The following SSBP3 variants were observed in gnomAD, a reference collection of about 807,000 sequenced individuals.
The protein encoded by SSBP3 is single-stranded DNA-binding protein 3.
SSBP3 carries 5 observed loss-of-function variants against 69.6 expected under a neutral mutation model. The ratio of observed to expected loss-of-function variants is 0.07; its 90% CI spans 0.04 to 0.15. The LOEUF is 0.15. SSBP3 is among the 10% of genes least tolerant of loss of function. SSBP3 has a pLI of 1.00. For missense variants in SSBP3, 312 were observed against 534.0 expected (o/e 0.58, Z 4.10); for synonymous variants, 196 against 193.4 (o/e 1.01, Z -0.11).
At chr1:54,273,675 T>C (rs1412619858) in intron 5 of SSBP3, among the ~76,000 whole-genome samples, 2 of 152,178 alleles carry the variant, frequency 1.3e-5, no homozygotes, top group African/African-American at 4.8e-5. Context: ...TGCTTCCAAG[T>C]GGCCAGCACC....
exon 14 of SSBP3, chr1:54,239,186 G>C: frequency 6.2e-7 from 1 of 1,612,634 alleles, no homozygotes; most frequent in Non-Finnish European, 8.5e-7. Flanking sequence ...TGTTGTCACT[G>C]GAATTTGTTG....
intron 14 of SSBP3, among the ~76,000 whole-genome samples, chr1:54,231,033 G>C (rs1445812929): frequency 6.6e-6 from 1 of 152,186 alleles, no homozygotes; most frequent in Non-Finnish European, 1.5e-5. Context: ...AGATACCTAG[G>C]AGGAGAACTG....
chr1:54,327,269 GAAAACAAC>G (rs1410461479), intron 4 of SSBP3, among the ~76,000 whole-genome samples: 2 of 142,694 alleles, frequency 1.4e-5, no homozygotes, highest in Non-Finnish European at 3.1e-5. Context: ...AGGAAGGAAG[GAAAACAAC>G]AACAAGAACA....
chr1:54,383,797 C>T (rs932778973), intron 4 of SSBP3, among the ~76,000 whole-genome samples: 1 of 152,084 alleles, frequency 6.6e-6, no homozygotes, highest in African/African-American at 2.4e-5. Flanking sequence ...CACCCACTCC[C>T]CAGCCCCCTT....
intron 4 of SSBP3, among the ~76,000 whole-genome samples, chr1:54,355,802 A>G (rs1400619014): frequency 6.6e-6 from 1 of 152,180 alleles, no homozygotes; most frequent in African/African-American, 2.4e-5. Flanking sequence ...CAGGAGGGCA[A>G]ACCCCTGCGT....
At chr1:54,404,713 T>C in intron 2 of SSBP3, 76 bp from the exon 3 acceptor site, 1 of 1,540,688 alleles carries the variant, frequency 6.5e-7, no homozygotes, top group African/African-American at 1.4e-5. Flanking sequence ...GCCAAAAGGC[T>C]AGGAAGACCA....
chr1:54,295,103 C>T (rs577457572), intron 4 of SSBP3, among the ~76,000 whole-genome samples: 12 of 152,260 alleles, frequency 7.9e-5, no homozygotes, highest in East Asian at 7.7e-4. Flanking sequence ...CTCCCCTCCC[C>T]GTCCCTTCCT....
intron 9 of SSBP3, among the ~76,000 whole-genome samples, chr1:54,247,141 G>A (rs1315031125): frequency 1.3e-5 from 2 of 152,230 alleles, no homozygotes; most frequent in Non-Finnish European, 2.9e-5. Context: ...GCAGCTGTCT[G>A]GGGCTGCAGC....
intron 4 of SSBP3, among the ~76,000 whole-genome samples, chr1:54,328,817 C>T (rs1053745044): frequency 2.0e-5 from 3 of 152,208 alleles, no homozygotes; most frequent in African/African-American, 7.2e-5. Context: ...GGCCACTACC[C>T]CAACCTTGGA....
chr1:54,300,668 CAT>C (rs1645785310), intron 4 of SSBP3, among the ~76,000 whole-genome samples: 1 of 152,206 alleles, frequency 6.6e-6, no homozygotes, highest in African/African-American at 2.4e-5. Flanking sequence ...AATTGTTCCA[CAT>C]GTGTGAAATT....
chr1:54,319,548 TG>T (rs1458089588), intron 4 of SSBP3, among the ~76,000 whole-genome samples: 28 of 152,226 alleles, frequency 1.8e-4, no homozygotes, highest in African/African-American at 6.7e-4. Context: ...ACCCACTCAG[TG>T]TCACTTTCAG....
chr1:54,257,961 C>T (rs1570280639), intron 6 of SSBP3, 108 bp downstream of exon 6: 9 of 1,037,182 alleles, frequency 8.7e-6, no homozygotes, highest in East Asian at 2.9e-5. Context: ...AATAAAGACT[C>T]GCAGGCAGTG....
intron 1 of SSBP3, among the ~76,000 whole-genome samples, chr1:54,405,711 C>A (rs1045444659): frequency 6.6e-6 from 1 of 151,788 alleles, no homozygotes; most frequent in Admixed American, 6.6e-5. Context: ...CCAAGTACCC[C>A]CTCCGGCGGC....
At chr1:54,249,909 G>A (rs1197357952) in intron 9 of SSBP3, among the ~76,000 whole-genome samples, 2 of 152,146 alleles carry the variant, frequency 1.3e-5, no homozygotes, top group African/African-American at 4.8e-5. Flanking sequence ...GGGCTGGGCG[G>A]TGGCATTCGA....
rs1236869720 is a variant in SSBP3, at chr1:54,359,144, GA to G, written c.276+42716del. Among the ~76,000 whole-genome samples, 15 of 151,012 alleles carry G rather than the reference GA, an allele frequency of 9.9e-5. No individual in the cohort carries two copies. In the East Asian group the frequency reaches 2.9e-3, roughly 30 times the overall value. ...TATTTTAAACGTAAACCCACTGGTG[GA>G]GGTGGGGAGAGTTTTATGGGAAGAA... On this transcript the variant is annotated intron_variant, in intron 4 of 17. Coordinates refer to ENST00000610401, the Ensembl canonical transcript of SSBP3.
intron 4 of SSBP3, among the ~76,000 whole-genome samples, chr1:54,377,592 GA>G (rs1372170705): frequency 3.3e-5 from 5 of 152,346 alleles, no homozygotes; most frequent in African/African-American, 1.2e-4. Flanking sequence ...AGATCTGCTG[GA>G]GCATTTCCAG....
In SSBP3 at chr1:54,275,886, C is replaced by A. The variant is rs1024263482; in HGVS notation, c.366+5552G>T. 2.6e-5 allele frequency among the ~76,000 whole-genome samples: 4 copies of A among 152,306 alleles called. No homozygotes were observed. In the South Asian group the frequency reaches 8.3e-4, roughly 32 times the overall value. ...AGGCTGCCCTTCTCCCAGAGAAACCCCAGCTACTTCTGCAGGAGATGGGGA... is the reference window on the plus strand; with the variant it reads ...AGGCTGCCCTTCTCCCAGAGAAACCACAGCTACTTCTGCAGGAGATGGGGA... On this transcript the variant is annotated intron_variant, in intron 5 of 17. Transcript: ENST00000610401.
At chr1:54,407,022 C>T (rs1649830281), upstream of SSBP3, among the ~76,000 whole-genome samples, 1 of 152,198 alleles carries the variant, frequency 6.6e-6, no homozygotes, top group East Asian at 2.0e-4. Flanking sequence ...CCCGGGGCTC[C>T]ACGCTGAGAG....
chr1:54,349,180 G>A (rs553680900), intron 4 of SSBP3, among the ~76,000 whole-genome samples: 2 of 152,228 alleles, frequency 1.3e-5, no homozygotes, highest in Non-Finnish European at 2.9e-5. Context: ...CTATGGAGGA[G>A]AGATTAGAAT....
Sources: gnomAD v4.1 joint callset for allele counts (sites outside exome capture counted in the v4.1 genomes callset) on GRCh38, gnomAD v4.1.1 for gene constraint, MANE v1.5 for transcripts, NCBI Gene and HGNC (gene_info 2026-07-23, HGNC 2026-07-21) for gene names.